PRKAR2B: variants seen among roughly 807,000 people sequenced by gnomAD.
PRKAR2B encodes the protein cAMP-dependent protein kinase type II-beta regulatory subunit.
In PRKAR2B, 14 loss-of-function variants were observed where a neutral mutation model predicts 49.9. That is an observed-to-expected ratio of 0.28 (90% CI 0.19 to 0.44). PRKAR2B has a LOEUF of 0.44. Ranked by LOEUF, PRKAR2B falls within the 20% of genes least tolerant of loss-of-function variation. The pLI is 1.00. For synonymous variants in PRKAR2B, 196 were observed against 197.7 expected, an observed-to-expected ratio of 0.99 and a Z score of 0.07; for missense variants, 393 against 537.9, an observed-to-expected ratio of 0.73 and a Z score of 2.67.
chr7:107,142,344 T>C (rs943594148), intron 5 of PRKAR2B, among the ~76,000 whole-genome samples: 11 of 152,220 alleles, frequency 7.2e-5, no homozygotes, highest in African/African-American at 2.4e-4. Context: ...GATTTTAGAA[T>C]AGAATAAACC....
At chr7:107,088,186 C>G (rs994458284) in intron 2 of PRKAR2B, among the ~76,000 whole-genome samples, 2 of 152,154 alleles carry the variant, frequency 1.3e-5, no homozygotes, top group Non-Finnish European at 2.9e-5. Context: ...AGTTTGAATC[C>G]AGTGAGCCAC....
chr7:107,071,303 G>A (rs1036933092), intron 2 of PRKAR2B, among the ~76,000 whole-genome samples: 2 of 152,086 alleles, frequency 1.3e-5, no homozygotes, highest in African/African-American at 2.4e-5. Context: ...ACATTTTAAT[G>A]TTGAATTTTA....
At chr7:107,157,447 A>C (rs1796114066) in intron 10 of PRKAR2B, 123 bp downstream of exon 10, 3 of 1,239,310 alleles carry the variant, frequency 2.4e-6, no homozygotes, top group African/African-American at 3.1e-5. Context: ...AAAGGTAACA[A>C]GATTAGGACT....
intron 3 of PRKAR2B, among the ~76,000 whole-genome samples, chr7:107,124,721 A>G (rs552912574): frequency 2.6e-5 from 4 of 152,218 alleles, no homozygotes; most frequent in African/African-American, 9.6e-5. Context: ...TGCCTGACCG[A>G]TATACAGTGT....
At chr7:107,107,307 A>T (rs574133756) in intron 2 of PRKAR2B, among the ~76,000 whole-genome samples, 4 of 152,102 alleles carry the variant, frequency 2.6e-5, no homozygotes, top group Non-Finnish European at 5.9e-5. Context: ...ATTGCGCTCC[A>T]GCCTGGGCGA....
At chr7:107,134,155 A>C (rs1239893391) in intron 4 of PRKAR2B, among the ~76,000 whole-genome samples, 1 of 151,880 alleles carries the variant, frequency 6.6e-6, no homozygotes, top group Non-Finnish European at 1.5e-5. Flanking sequence ...CAGCCTTCTG[A>C]GTAGCTGGGA....
chr7:107,093,869 C>T (rs1584424013), intron 2 of PRKAR2B, among the ~76,000 whole-genome samples: 1 of 152,154 alleles, frequency 6.6e-6, no homozygotes, highest in Non-Finnish European at 1.5e-5. Context: ...GCATAGTATT[C>T]CATGGTATAT....
In PRKAR2B at chr7:107,139,184, T is replaced by C. The variant is rs1174859407; in HGVS notation, c.481-1663T>C. ...GTTGTCATTTTGCTGTTTATCTTAG[T>C]CTTGTAGGCTACCAGGGGAGCAACA... On this transcript the variant is annotated intron_variant, in intron 4 of 10. Coordinates refer to ENST00000265717, the MANE Select transcript of PRKAR2B (RefSeq NM_002736.3). Among the ~76,000 whole-genome samples the C allele has an allele frequency of 2.6e-5, 4 of 152,166 alleles. No individual in the cohort carries two copies. The East Asian group carries it at 7.7e-4, about 29-fold the overall frequency.
chr7:107,060,057 A>G (rs1793996005), intron 1 of PRKAR2B, among the ~76,000 whole-genome samples: 1 of 90,162 alleles, frequency 1.1e-5, no homozygotes, highest in South Asian at 4.2e-4. Context: ...TTTGGAAAAT[A>G]TAGTTTTTTT....
At chr7:107,126,505 G>A (rs1216985514) in intron 3 of PRKAR2B, among the ~76,000 whole-genome samples, 2 of 151,174 alleles carry the variant, frequency 1.3e-5, no homozygotes, top group Admixed American at 1.3e-4. Context: ...GGATTTCTGT[G>A]TGAAGGCTTA....
rs142511394 is a variant in PRKAR2B, at chr7:107,152,021, A to C, written c.843+998A>C. 1.5e-3 allele frequency among the ~76,000 whole-genome samples: 230 copies of C among 152,262 alleles called. 1 individual carries two copies. Among genetic ancestry groups the C allele is most frequent in the African/African-American group, 5.2e-3 (215 of 41,544 alleles). On this transcript the variant is annotated intron_variant, in intron 7 of 10. Transcript: ENST00000265717. ...TGTAAGATTTCCTCTCAGATGTCTA[A>C]TAGACATCTCAAACCTAGTATGTCC...
chr7:107,155,806 CAT>C (rs1192787958), intron 8 of PRKAR2B, among the ~76,000 whole-genome samples: 5 of 152,134 alleles, frequency 3.3e-5, no homozygotes, highest in African/African-American at 1.2e-4. Context: ...CACATGCACA[CAT>C]ATGTTTATTG....
chr7:107,156,447 A>G (rs1796091059), intron 8 of PRKAR2B, among the ~76,000 whole-genome samples: 1 of 151,988 alleles, frequency 6.6e-6, no homozygotes, highest in South Asian at 2.1e-4. Context: ...TGGGGGGGAA[A>G]AAGAAAGTAT....
intron 2 of PRKAR2B, among the ~76,000 whole-genome samples, chr7:107,074,713 G>A (rs1048049213): frequency 5.3e-5 from 8 of 151,998 alleles, no homozygotes; most frequent in Admixed American, 3.9e-4. Flanking sequence ...CGGGAGAATC[G>A]CTTGAACCTG....
chr7:107,112,138 C>T (rs1240129605), intron 2 of PRKAR2B, among the ~76,000 whole-genome samples: 1 of 137,116 alleles, frequency 7.3e-6, no homozygotes, highest in South Asian at 2.3e-4. Flanking sequence ...TGCACCATTG[C>T]ACTCCACCCT....
At chr7:107,102,540 T>A (rs1324172956) in intron 2 of PRKAR2B, among the ~76,000 whole-genome samples, 1 of 152,208 alleles carries the variant, frequency 6.6e-6, no homozygotes, top group East Asian at 1.9e-4. Context: ...TTGAATTGTT[T>A]CTTGAGCAAA....
At chr7:107,114,266 T>C (rs1795226190) in intron 2 of PRKAR2B, among the ~76,000 whole-genome samples, 1 of 148,842 alleles carries the variant, frequency 6.7e-6, no homozygotes, top group Non-Finnish European at 1.5e-5. Flanking sequence ...GGAGGCATTT[T>C]TGAAGAAAAA....
At chr7:107,099,839 T>C (rs958128206) in intron 2 of PRKAR2B, among the ~76,000 whole-genome samples, 8 of 152,114 alleles carry the variant, frequency 5.3e-5, no homozygotes, top group Non-Finnish European at 8.8e-5. Flanking sequence ...TTTCACCATG[T>C]TAGCCAGGAT....
intron 2 of PRKAR2B, among the ~76,000 whole-genome samples, chr7:107,073,133 A>G (rs917124796): frequency 1.5e-4 from 23 of 152,200 alleles, no homozygotes; most frequent in Non-Finnish European, 3.2e-4. Context: ...GGCTTTTGAT[A>G]TTCATACTGC....
Sources: gnomAD v4.1 joint callset for allele counts (sites outside exome capture counted in the v4.1 genomes callset) on GRCh38, gnomAD v4.1.1 for gene constraint, MANE v1.5 for transcripts, NCBI Gene and HGNC (gene_info 2026-07-23, HGNC 2026-07-21) for gene names.